Variants in PLEKHO2 observed in about 807,000 individuals in gnomAD.
PLEKHO2 encodes pleckstrin homology domain containing O2.
PLEKHO2 carries 20 observed loss-of-function variants against 32.7 expected under a neutral mutation model. The ratio of observed to expected loss-of-function variants is 0.61; its 90% confidence interval spans 0.43 to 0.89. PLEKHO2 has a LOEUF of 0.89. Among genes scored for constraint, PLEKHO2 ranks in the 40% least tolerant of loss-of-function variants. The probability of loss-of-function intolerance (pLI) is 0.00; values close to 1 mark genes in which losing one functional copy is unlikely to be tolerated. For missense variants in PLEKHO2, 568 were observed against 621.2 expected, an observed-to-expected ratio of 0.91 and a Z score of 0.91; for synonymous variants, 247 against 246.3, an observed-to-expected ratio of 1.00 and a Z score of -0.03.
chr15:64,864,804 C>G (rs1410279979), intron 5 of PLEKHO2, 95 bp from the exon 6 acceptor site: 2 of 1,408,466 alleles, frequency 1.4e-6, no homozygotes, highest in East Asian at 2.3e-5. Flanking sequence ...CCTGGACAAC[C>G]TGGATGGGAG....
intron 3 of PLEKHO2, among the ~76,000 whole-genome samples, chr15:64,859,657 C>A (rs1194446205): frequency 1.3e-5 from 2 of 152,212 alleles, no homozygotes; most frequent in African/African-American, 4.8e-5. Flanking sequence ...GGACCAGATC[C>A]GGGCTCTTTC....
At chr15:64,852,195 C>G (rs1212653260) in intron 2 of PLEKHO2, among the ~76,000 whole-genome samples, 2 of 152,010 alleles carry the variant, frequency 1.3e-5, no homozygotes, top group Non-Finnish European at 2.9e-5. Context: ...ATCCCCCTGG[C>G]AGTAAATGAT....
chr15:64,847,338 T>C (rs2084530114), intron 1 of PLEKHO2, among the ~76,000 whole-genome samples: 1 of 152,168 alleles, frequency 6.6e-6, no homozygotes, highest in Non-Finnish European at 1.5e-5. Flanking sequence ...CTTTTTTGAA[T>C]TTTATGTAAA....
intron 3 of PLEKHO2, among the ~76,000 whole-genome samples, chr15:64,858,892 C>CTAA (rs1395499066): frequency 2.0e-5 from 3 of 152,174 alleles, no homozygotes; most frequent in African/African-American, 7.2e-5. Context: ...TCGTGTAAAA[C>CTAA]TAAAACTCTA....
chr15:64,859,292 T>C (rs2084626870), intron 3 of PLEKHO2, among the ~76,000 whole-genome samples: 1 of 152,246 alleles, frequency 6.6e-6, no homozygotes, highest in Non-Finnish European at 1.5e-5. Context: ...AGGCAGGTTC[T>C]GGTGGTATTC....
intron 2 of PLEKHO2, among the ~76,000 whole-genome samples, chr15:64,852,018 G>A (rs1053246887): frequency 3.3e-5 from 5 of 152,148 alleles, no homozygotes; most frequent in African/African-American, 1.2e-4. Flanking sequence ...GCTGCTGCTT[G>A]TAGGGTGCAG....
chr15:64,864,865 C>T lies in PLEKHO2; in HGVS notation c.484-34C>T, dbSNP rs1428935807. The T allele has an allele frequency of 2.6e-6, 4 of 1,539,474 alleles. No homozygotes were observed. The South Asian group carries it at 5.0e-5, about 19-fold the overall frequency. On this transcript the variant is annotated intron_variant, in intron 5 of 5. Coordinates refer to ENST00000323544, the MANE Select transcript of PLEKHO2 (RefSeq NM_025201.5). ...ACACCTGACCCAATGGCTAGTCAGC[C>T]AAGATGACACCCATATACCATCCCC...
chr15:64,857,405 A>G (rs2084612480), intron 3 of PLEKHO2, among the ~76,000 whole-genome samples: 1 of 152,042 alleles, frequency 6.6e-6, no homozygotes, highest in Non-Finnish European at 1.5e-5. Context: ...GCATTATCTC[A>G]GCTTGCTGCA....
At chr15:64,842,192 C>G (rs1396104037) in intron 1 of PLEKHO2, among the ~76,000 whole-genome samples, 164 bp downstream of exon 1, 1 of 152,258 alleles carries the variant, frequency 6.6e-6, no homozygotes, top group Non-Finnish European at 1.5e-5. Context: ...GGATCCATAT[C>G]GGGGACTTCG....
intron 1 of PLEKHO2, among the ~76,000 whole-genome samples, chr15:64,847,893 G>A (rs2140338802): frequency 6.6e-6 from 1 of 152,302 alleles, no homozygotes; most frequent in South Asian, 2.1e-4. Flanking sequence ...TAGCGGTAGA[G>A]AGGCAGATTG....
At chr15:64,851,972 C>T (rs1205012184) in intron 2 of PLEKHO2, among the ~76,000 whole-genome samples, 2 of 152,094 alleles carry the variant, frequency 1.3e-5, no homozygotes, top group African/African-American at 2.4e-5. Context: ...GGATAAGGCA[C>T]TCAGAAAACT....
chr15:64,843,330 C>A (rs1041653187), intron 1 of PLEKHO2, among the ~76,000 whole-genome samples: 4 of 152,220 alleles, frequency 2.6e-5, no homozygotes, highest in African/African-American at 9.6e-5. Context: ...CAAAGTCAGG[C>A]CTCTGTGATT....
chr15:64,865,707 T>C lies in PLEKHO2; in HGVS notation c.1292T>C (p.Leu431Pro). The change falls in exon 6 of 6, where the codon CTG (leucine) becomes CCG (proline). Residue 431 changes from leucine to proline, a missense_variant. Transcript: ENST00000323544. ...EQTEKLLNKVLGSEPAPVSAE... is the reference protein window; with the variant it reads ...EQTEKLLNKVPGSEPAPVSAE... The stretch of plus-strand genomic sequence containing the variant: ...ACGGAGAAACTGTTGAACAAGGTGC[T>C]GGGCAGTGAGCCGGCCCCTGTTAGT... 6.2e-7 allele frequency: 1 copy of C among 1,614,206 alleles called. No individual in the cohort carries two copies. The highest frequency in any genetic ancestry group is 1.7e-5 in the Admixed American group (1 of 60,022).
rs1438312310 is a variant in PLEKHO2, at chr15:64,866,710, T to G, written c.*822T>G. ...ATTTCTGAAGAGGTGGATCCCAGAG[T>G]GGCTCTGATGTCCACATTAGAAAAA... On this transcript the variant is annotated 3_prime_UTR_variant, in exon 6 of 6. Coordinates refer to ENST00000323544, the MANE Select transcript of PLEKHO2 (RefSeq NM_025201.5). 3 of 185,164 alleles carry G rather than the reference T, an allele frequency of 1.6e-5. No individual in the cohort carries two copies. The highest frequency in any genetic ancestry group is 3.4e-5 in the Non-Finnish European group (3 of 87,204). 11.5% of individuals were successfully genotyped at this position (185,164 alleles called of 1,614,324 possible). A position where few individuals can be genotyped will look rare whatever the true frequency, so the allele number is the denominator to read the frequency against.
intron 1 of PLEKHO2, among the ~76,000 whole-genome samples, chr15:64,844,742 G>A (rs556687620): frequency 6.6e-6 from 1 of 152,314 alleles, no homozygotes; most frequent in East Asian, 1.9e-4. Flanking sequence ...GGACCAAGGC[G>A]TGTGTCTCTT....
intron 2 of PLEKHO2, among the ~76,000 whole-genome samples, chr15:64,853,078 G>T (rs1345319948): frequency 6.7e-6 from 1 of 150,310 alleles, no homozygotes; most frequent in Non-Finnish European, 1.5e-5. Context: ...GGCAGAGGTT[G>T]CAGTGAGCCG....
intron 2 of PLEKHO2, among the ~76,000 whole-genome samples, chr15:64,851,657 C>T (rs907710624): frequency 2.0e-5 from 3 of 152,138 alleles, no homozygotes; most frequent in African/African-American, 7.2e-5. Context: ...AGATGCTTCC[C>T]TCACCCATTG....
Position 64,848,575 on chromosome 15 carries a change from A to G in PLEKHO2, c.13-18A>G, listed in dbSNP as rs1003794524. The G allele has an allele frequency of 5.0e-6, 8 of 1,613,962 alleles. No homozygotes were observed. Among genetic ancestry groups the G allele is most frequent in the Non-Finnish European group, 5.9e-6 (7 of 1,179,974 alleles). ...CATGGTAGCAACCCTCATGGTATGA[A>G]CTGGTGCTGTGTTACAGGGTGTGAA... On this transcript the variant is annotated intron_variant, in intron 1 of 5. Transcript: ENST00000323544.
chr15:64,846,636 G>T (rs1214984525), intron 1 of PLEKHO2, among the ~76,000 whole-genome samples: 1 of 152,118 alleles, frequency 6.6e-6, no homozygotes, highest in African/African-American at 2.4e-5. Flanking sequence ...AGATCATTTG[G>T]ACCACCCCAC....
Sources: allele counts gnomAD v4.1 joint callset (sites outside exome capture counted in the v4.1 genomes callset), GRCh38; gene constraint gnomAD v4.1.1; transcripts MANE v1.5; gene names NCBI Gene and HGNC (gene_info 2026-07-23, HGNC 2026-07-21).